Variants in ERC2 observed in about 807,000 individuals in gnomAD.
ERC2 encodes ERC protein 2.
A neutral mutation model predicts 114.8 loss-of-function variants in ERC2; 42 were observed. The observed-to-expected ratio is 0.37, with a 90% confidence interval of 0.29 to 0.47. The LOEUF (loss-of-function observed/expected upper bound fraction) is 0.47. ERC2 is among the 20% of genes least tolerant of loss of function. The pLI is 0.99. For synonymous variants in ERC2, 454 were observed against 425.5 expected, an observed-to-expected ratio of 1.07 and a Z score of -0.82; for missense variants, 939 against 1,150.7, an observed-to-expected ratio of 0.82 and a Z score of 2.66.
chr3:56,341,968 G>C (rs1444678207), intron 2 of ERC2, among the ~76,000 whole-genome samples: 1 of 152,202 alleles, frequency 6.6e-6, no homozygotes, highest in Admixed American at 6.5e-5. Context: ...AGGCTGGCTG[G>C]AGAGGCAGGG....
chr3:56,133,416 G>A (rs2080320721), intron 6 of ERC2, among the ~76,000 whole-genome samples: 1 of 152,186 alleles, frequency 6.6e-6, no homozygotes. Context: ...CAGCCTGAGC[G>A]ACAGAGCAAG....
intron 7 of ERC2, among the ~76,000 whole-genome samples, chr3:56,067,782 C>A (rs980677925): frequency 2.0e-5 from 3 of 152,294 alleles, no homozygotes; most frequent in South Asian, 2.1e-4. Context: ...GCCTTTTCTG[C>A]ATCTATTGAG....
rs560107381 is a variant in ERC2, at chr3:55,743,996, G to C, written c.2565-9078C>G. Among the ~76,000 whole-genome samples, 21 of 152,320 alleles carry C rather than the reference G, an allele frequency of 1.4e-4. No homozygotes were observed. The South Asian group carries it at 4.4e-3, about 32-fold the overall frequency. ...AATTTTCCATGCCTAAGTAACAAAA[G>C]GACCAAAGGTTACTCCGTTTGCAAA... On this transcript the variant is annotated intron_variant, in intron 14 of 17. Transcript: ENST00000288221.
At chr3:56,239,736 T>C (rs2051202387) in intron 3 of ERC2, among the ~76,000 whole-genome samples, 1 of 152,182 alleles carries the variant, frequency 6.6e-6, no homozygotes, top group Non-Finnish European at 1.5e-5. Flanking sequence ...TAAACAAGTA[T>C]AGTAAAAGAA....
rs186368324 is a variant in ERC2, at chr3:56,272,329, T to C, written c.1074+23690A>G. Among the ~76,000 whole-genome samples the C allele has an allele frequency of 2.2e-3, 336 of 152,396 alleles. 3 individuals are homozygous for C. Among genetic ancestry groups the C allele is most frequent in the Admixed American group, 0.015 (233 of 15,310 alleles). The stretch of plus-strand genomic sequence containing the variant: ...AATAATTGCTTTCTCTCTTTCCTGC[T>C]CTGCCTATCTAGAAGAGTCCCATTA... On this transcript the variant is annotated intron_variant, in intron 3 of 17. Coordinates refer to ENST00000288221, the MANE Select transcript of ERC2 (RefSeq NM_015576.3).
intron 17 of ERC2, among the ~76,000 whole-genome samples, chr3:55,596,710 A>T (rs1220100067): frequency 6.6e-6 from 1 of 152,256 alleles, no homozygotes; most frequent in Non-Finnish European, 1.5e-5. Context: ...ACAGGAACAG[A>T]AATGTAAAGG....
intron 12 of ERC2, among the ~76,000 whole-genome samples, chr3:55,963,805 G>A (rs1000107580): frequency 1.4e-4 from 22 of 152,270 alleles, no homozygotes; most frequent in African/African-American, 5.1e-4. Flanking sequence ...TGACCCCCTG[G>A]GGGCTAACGC....
At chr3:56,184,535 C>A (rs1267890655) in intron 3 of ERC2, among the ~76,000 whole-genome samples, 3 of 152,176 alleles carry the variant, frequency 2.0e-5, no homozygotes, top group Admixed American at 1.3e-4. Context: ...CATTCCACCA[C>A]ATAGGACTTA....
At chr3:56,215,067 G>C (rs976706869) in intron 3 of ERC2, among the ~76,000 whole-genome samples, 24 of 152,154 alleles carry the variant, frequency 1.6e-4, no homozygotes, top group Admixed American at 3.9e-4. Flanking sequence ...ATCGAGGCTA[G>C]GAAGAAACTG....
intron 14 of ERC2, among the ~76,000 whole-genome samples, chr3:55,886,519 T>C (rs375870492): frequency 4.6e-5 from 7 of 152,364 alleles, no homozygotes; most frequent in African/African-American, 1.7e-4. Context: ...ACTTTGTATA[T>C]AGACATTATA....
chr3:56,352,558 C>T (rs1292854768), intron 2 of ERC2, among the ~76,000 whole-genome samples: 2 of 152,044 alleles, frequency 1.3e-5, no homozygotes, highest in Admixed American at 6.6e-5. Flanking sequence ...TGTGTTGCAC[C>T]CACTGTATTA....
chr3:55,597,771 G>T (rs2058216826), intron 17 of ERC2, among the ~76,000 whole-genome samples: 1 of 152,198 alleles, frequency 6.6e-6, no homozygotes, highest in Admixed American at 6.5e-5. Flanking sequence ...GCTGATGAAA[G>T]CCTGACTTGG....
chr3:55,657,266 G>T (rs978105936), intron 17 of ERC2: 1 of 151,652 alleles, frequency 6.6e-6, no homozygotes, highest in Non-Finnish European at 1.5e-5. Context: ...GCTGGAAGCT[G>T]TCCTGGCTCT....
chr3:55,544,819 G>A (rs998899043), intron 17 of ERC2, among the ~76,000 whole-genome samples: 5 of 152,150 alleles, frequency 3.3e-5, no homozygotes, highest in African/African-American at 7.2e-5. Flanking sequence ...GCCTGACTCC[G>A]TGCTAGGGCT....
intron 2 of ERC2, among the ~76,000 whole-genome samples, chr3:56,398,248 T>C (rs895496475): frequency 6.6e-6 from 1 of 152,230 alleles, no homozygotes; most frequent in Non-Finnish European, 1.5e-5. Context: ...AGAGTATTTT[T>C]GGACAACTTT....
chr3:56,052,288 T>C (rs538771388), intron 7 of ERC2, among the ~76,000 whole-genome samples: 2 of 152,326 alleles, frequency 1.3e-5, no homozygotes, highest in African/African-American at 4.8e-5. Flanking sequence ...ATGGATTCTG[T>C]CCTGGATTCT....
At chr3:56,367,256 T>A in intron 2 of ERC2, among the ~76,000 whole-genome samples, 1 of 147,270 alleles carries the variant, frequency 6.8e-6, no homozygotes, top group South Asian at 2.2e-4. Flanking sequence ...TCAGGCCCAA[T>A]GGGCAGCATT....
intron 16 of ERC2, among the ~76,000 whole-genome samples, chr3:55,693,025 T>C (rs1559507915): frequency 6.6e-6 from 1 of 152,226 alleles, no homozygotes; most frequent in Non-Finnish European, 1.5e-5. Context: ...TTCAATGCTC[T>C]GAAATATGTC....
chr3:55,779,289 C>T (rs1279987582), intron 14 of ERC2, among the ~76,000 whole-genome samples: 2 of 144,326 alleles, frequency 1.4e-5, no homozygotes, highest in Admixed American at 7.3e-5. Flanking sequence ...CAAAACCAGC[C>T]TGGCCAACAT....
Sources: allele counts gnomAD v4.1 joint callset (sites outside exome capture counted in the v4.1 genomes callset), GRCh38; gene constraint gnomAD v4.1.1; transcripts MANE v1.5; gene names NCBI Gene and HGNC (gene_info 2026-07-23, HGNC 2026-07-21).